The following BPIFC variants were observed in gnomAD, a reference collection of about 807,000 sequenced individuals.
BPIFC encodes BPI fold containing family C, also known as BPI fold-containing family C protein.
A neutral mutation model predicts 57.6 loss-of-function variants in BPIFC; 60 were observed. The observed-to-expected ratio is 1.04, with a 90% CI of 0.85 to 1.29. BPIFC has a LOEUF of 1.29. Among genes scored for constraint, BPIFC ranks in the 50% most tolerant of loss-of-function variants. The probability of loss-of-function intolerance (pLI) is 0.00; values close to 1 mark genes in which losing one functional copy is unlikely to be tolerated. For missense variants in BPIFC, 581 were observed against 600.5 expected, an observed-to-expected ratio of 0.97 and a Z score of 0.34; for synonymous variants, 243 against 224.5, an observed-to-expected ratio of 1.08 and a Z score of -0.74.
At chr22:32,452,942 T>C (rs946424160) in intron 4 of BPIFC, among the ~76,000 whole-genome samples, 5 of 152,222 alleles carry the variant, frequency 3.3e-5, no homozygotes, top group African/African-American at 1.2e-4. Context: ...GAACTTCCAA[T>C]TCACTTTCTT....
intron 14 of BPIFC, among the ~76,000 whole-genome samples, chr22:32,417,762 A>G (rs8141748): frequency 0.029 from 4,408 of 152,256 alleles, 111 homozygotes; most frequent in African/African-American, 0.07. Flanking sequence ...CCAATTAGCA[A>G]TCTTCCCTTT....
intron 13 of BPIFC, among the ~76,000 whole-genome samples, chr22:32,424,298 T>C (rs188748642): frequency 4.9e-4 from 75 of 152,328 alleles, no homozygotes; most frequent in African/African-American, 1.7e-3. Context: ...TAACTAGACA[T>C]GCTCAAAGAG....
At chr22:32,427,805 G>A (rs1934109242) in intron 13 of BPIFC, among the ~76,000 whole-genome samples, 1 of 152,134 alleles carries the variant, frequency 6.6e-6, no homozygotes, top group South Asian at 2.1e-4. Flanking sequence ...TGGCCAACAT[G>A]GTGAAACCCC....
rs745432628 is a variant in BPIFC, at chr22:32,453,521, A to C, written c.125-18T>G. On this transcript the variant is annotated intron_variant, in intron 3 of 16. Coordinates refer to ENST00000300399, the MANE Select transcript of BPIFC (RefSeq NM_174932.3). ...TTGAACACCTGTGAAGGAAACAAGA[A>C]AGAATCTGTTGATAATGACAAAGAT... 1.7e-5 allele frequency: 26 copies of C among 1,564,986 alleles called. 1 individual carries two copies. In the African/African-American group the frequency reaches 1.8e-4, roughly 11 times the overall value.
chr22:32,437,979 G>C, intron 8 of BPIFC, 128 bp from the exon 9 acceptor site: 1 of 566,578 alleles, frequency 1.8e-6, no homozygotes, highest in Non-Finnish European at 3.0e-6. Context: ...CTGCTTTTCA[G>C]AAGTAATACA....
intron 3 of BPIFC, among the ~76,000 whole-genome samples, chr22:32,453,840 T>A (rs1020619713): frequency 6.6e-6 from 1 of 152,128 alleles, no homozygotes; most frequent in Admixed American, 6.5e-5. Context: ...CCCAGCACTT[T>A]GGGAGGTTGA....
At chr22:32,423,183 C>A (rs1050170209) in intron 13 of BPIFC, among the ~76,000 whole-genome samples, 2 of 152,120 alleles carry the variant, frequency 1.3e-5, no homozygotes, top group African/African-American at 4.8e-5. Context: ...TGGATTTAAT[C>A]CAATGATGAA....
Position 32,453,504 on chromosome 22 carries a change from C to G in BPIFC, c.125-1G>C. On this transcript the variant is annotated splice_acceptor_variant, in intron 3 of 16. Coordinates refer to ENST00000300399, the MANE Select transcript of BPIFC (RefSeq NM_174932.3). LOFTEE classifies it high-confidence loss of function. ...ATCATCTTCATTCCAGCTTGAACAC[C>G]TGTGAAGGAAACAAGAAAGAATCTG... is the stretch of plus-strand genomic sequence containing the variant. The G allele has an allele frequency of 6.3e-7, 1 of 1,575,546 alleles. No homozygotes were observed. Among genetic ancestry groups the G allele is most frequent in the Non-Finnish European group, 8.6e-7 (1 of 1,168,274 alleles).
chr22:32,433,841 T>C, intron 10 of BPIFC, 69 bp from the exon 11 acceptor site: 1 of 1,334,560 alleles, frequency 7.5e-7, no homozygotes, highest in Non-Finnish European at 1.1e-6. Context: ...GAAAATGTAG[T>C]GTTCCCTATA....
intron 3 of BPIFC, 87 bp from the exon 4 acceptor site, chr22:32,453,590 A>G (rs780663029): frequency 1.2e-4 from 176 of 1,424,842 alleles, no homozygotes; most frequent in Admixed American, 1.5e-4. Context: ...CAATTTATTG[A>G]GTGAGACATG....
intron 1 of BPIFC, among the ~76,000 whole-genome samples, chr22:32,462,728 T>C (rs1287193433): frequency 6.6e-6 from 1 of 152,228 alleles, no homozygotes; most frequent in Admixed American, 6.5e-5. Flanking sequence ...CTAGTGTTGA[T>C]GAATTTATTT....
chr22:32,429,242 T>C (rs1262141435), intron 13 of BPIFC, among the ~76,000 whole-genome samples: 1 of 151,900 alleles, frequency 6.6e-6, no homozygotes, highest in East Asian at 1.9e-4. Flanking sequence ...AGTCTCGCTC[T>C]GTCCCCCAGG....
chr22:32,425,863 T>C (rs1340872317), intron 13 of BPIFC, among the ~76,000 whole-genome samples: 1 of 152,202 alleles, frequency 6.6e-6, no homozygotes, highest in Non-Finnish European at 1.5e-5. Flanking sequence ...CCACACACTT[T>C]ACCTGTATTA....
At chr22:32,453,183 A>T (rs752399337) in intron 4 of BPIFC, among the ~76,000 whole-genome samples, 200 bp downstream of exon 4, 2 of 152,162 alleles carry the variant, frequency 1.3e-5, no homozygotes, top group African/African-American at 4.8e-5. Flanking sequence ...TGCCTGAAAC[A>T]TGATGATTTG....
intron 3 of BPIFC, among the ~76,000 whole-genome samples, chr22:32,456,399 C>T (rs981201256): frequency 1.3e-5 from 2 of 150,490 alleles, no homozygotes; most frequent in Admixed American, 6.6e-5. Context: ...CTCCCTCCCT[C>T]CCTCCTTCCC....
chr22:32,445,819 C>T (rs1174276250), intron 6 of BPIFC, 22 bp downstream of exon 6: 2 of 1,613,468 alleles, frequency 1.2e-6, no homozygotes, highest in East Asian at 4.5e-5. Context: ...TAGCCACTGC[C>T]CAACCCAGGG....
Position 32,419,362 on chromosome 22 carries a change from C to T in BPIFC, c.1260G>A (p.Glu420=), listed in dbSNP as rs1933769682. The T allele has an allele frequency of 6.2e-7, 1 of 1,613,374 alleles. No homozygotes were observed. Among genetic ancestry groups the T allele is most frequent in the Non-Finnish European group, 8.5e-7 (1 of 1,179,488 alleles). Reference sequence around the variant, plus strand: ...TAACCCCAAGAGCTCAGATTCCTACCTCAATGTTGCTGCGATTGGACTCTG... The same window carrying T: ...TAACCCCAAGAGCTCAGATTCCTACTTCAATGTTGCTGCGATTGGACTCTG... The part of the protein sequence containing the change: ...ALPESNRSNI[E]VLRFENILSS... Residue 420 remains glutamate (E), a splice_region_variant and synonymous_variant, in exon 14 of 17, where the codon GAG becomes GAA. Transcript: ENST00000300399.
In BPIFC at chr22:32,460,660, G is replaced by A. The variant is rs139737429; in HGVS notation, c.-1+914C>T. Reference sequence around the variant, plus strand: ...CCCTCTGCCTATGCCTGCAGAAACCGTGCATATCCCTAAGGCCCATTTAAA... The same window carrying A: ...CCCTCTGCCTATGCCTGCAGAAACCATGCATATCCCTAAGGCCCATTTAAA... On this transcript the variant is annotated intron_variant, in intron 2 of 16. Transcript: ENST00000300399. Among the ~76,000 whole-genome samples, 517 of 152,254 alleles carry A rather than the reference G, an allele frequency of 3.4e-3. 3 individuals carry two copies. Among genetic ancestry groups the A allele is most frequent in the African/African-American group, 0.012 (501 of 41,556 alleles).
At chr22:32,445,730 A>AAAAAAAAAAAAAAAAAAC in intron 6 of BPIFC, 32 bp from the exon 7 acceptor site, 1 of 1,530,616 alleles carries the variant, frequency 6.5e-7, no homozygotes, top group Non-Finnish European at 8.8e-7. Flanking sequence ...AAAAAAAAAA[A>AAAAAAAAAAAAAAAAAAC]AAAAAGAGGT....
Sources: gnomAD v4.1 joint callset for allele counts (sites outside exome capture counted in the v4.1 genomes callset) on GRCh38, gnomAD v4.1.1 for gene constraint, MANE v1.5 for transcripts, NCBI Gene and HGNC (gene_info 2026-07-23, HGNC 2026-07-21) for gene names.